Variants in NEB observed in about 807,000 individuals in gnomAD.
NEB encodes nemaline myopathy type 2.
A neutral mutation model predicts 952.2 loss-of-function variants in NEB; 512 were observed. The ratio of observed to expected loss-of-function variants is 0.54; its 90% confidence interval spans 0.50 to 0.58. The LOEUF (loss-of-function observed/expected upper bound fraction) is 0.58, where lower values mean the gene tolerates loss of function less well. NEB is among the 20% of genes least tolerant of loss of function. The pLI, the probability that NEB is intolerant of heterozygous loss-of-function variation, is 0.00. For missense variants in NEB, 8,428 were observed against 9,231.1 expected, an observed-to-expected ratio of 0.91 and a Z score of 3.56; for synonymous variants, 2,900 against 3,149.8, an observed-to-expected ratio of 0.92 and a Z score of 2.66.
chr2:151,663,011 A>ACAAC (rs1201906372), intron 45 of NEB, among the ~76,000 whole-genome samples: 1 of 152,134 alleles, frequency 6.6e-6, no homozygotes. Context: ...CTCTCCAACC[A>ACAAC]TCAAATGGAC....
intron 105 of NEB, among the ~76,000 whole-genome samples, chr2:151,578,854 G>A (rs970606179): frequency 2.6e-5 from 4 of 151,960 alleles, no homozygotes; most frequent in Non-Finnish European, 5.9e-5. Context: ...GGCTGAGACG[G>A]GTGGATCACC....
intron 37 of NEB, chr2:151,671,470 A>G (rs911070087): frequency 2.9e-5 from 13 of 443,098 alleles, no homozygotes; most frequent in African/African-American, 2.5e-4. Flanking sequence ...TGCTAAAAAA[A>G]ATTTTGTCAC....
chr2:151,656,779 T>C (rs2099089640), intron 48 of NEB, among the ~76,000 whole-genome samples: 1 of 151,898 alleles, frequency 6.6e-6, no homozygotes, highest in African/African-American at 2.4e-5. Context: ...TGCATCACAC[T>C]GACTTATGCA....
Position 151,642,658 on chromosome 2 carries a change from T to C in NEB, c.8289A>G (p.Glu2763=). ...TGTCATAACCTTTCCTCTTGGCTTCTTCTAGGCCAAGCTTATACAATTTCT... is the reference window on the plus strand; with the variant it reads ...TGTCATAACCTTTCCTCTTGGCTTCCTCTAGGCCAAGCTTATACAATTTCT... ...YSEKLYKLGL[E]EAKRKGYDMR... Residue 2763 remains glutamate, a synonymous_variant, in exon 60 of 182, where the codon GAA becomes GAG. Coordinates refer to ENST00000397345, the MANE Select transcript of NEB (RefSeq NM_001164508.2). The C allele has an allele frequency of 6.2e-7, 1 of 1,613,952 alleles. No individual in the cohort carries two copies. The highest frequency in any genetic ancestry group is 8.5e-7 in the Non-Finnish European group (1 of 1,179,844).
intron 144 of NEB, 83 bp downstream of exon 144, chr2:151,531,709 A>G (rs770235087): frequency 1.0e-4 from 107 of 1,068,190 alleles, no homozygotes; most frequent in Non-Finnish European, 1.4e-4. Flanking sequence ...AGTCTCCCAG[A>G]CTTTGTGACA....
intron 181 of NEB, among the ~76,000 whole-genome samples, chr2:151,489,716 G>A (rs2054528506): frequency 6.6e-6 from 1 of 151,838 alleles, no homozygotes; most frequent in Non-Finnish European, 1.5e-5. Context: ...GATAGTAGGT[G>A]AGACCAATGA....
At chr2:151,640,136 G>C (rs951989507) in intron 61 of NEB, 76 bp from the exon 62 acceptor site, 2 of 1,528,880 alleles carry the variant, frequency 1.3e-6, no homozygotes, top group African/African-American at 1.4e-5. Flanking sequence ...AAGAGATCAA[G>C]TAAAAGCACT....
In NEB at chr2:151,728,080, A is replaced by G. The variant is rs2150934890; in HGVS notation, c.79-174T>C. ...CACTGTAGCCGTATGAAGGCACATT[A>G]TGTACACAAATCTGAATGCTGATTG... On this transcript the variant is annotated intron_variant, in intron 4 of 181. Transcript: ENST00000397345. 1.3e-5 allele frequency among the ~76,000 whole-genome samples: 2 copies of G among 152,354 alleles called. 1 individual carries two copies. The highest frequency in any genetic ancestry group is 4.1e-4 in the South Asian group (2 of 4,832).
Position 151,643,353 on chromosome 2 carries a change from T to C in NEB, c.7957A>G (p.Asn2653Asp). 1 of 1,598,614 alleles carries C rather than the reference T, an allele frequency of 6.3e-7. No individual in the cohort carries two copies. The highest frequency in any genetic ancestry group is 8.5e-7 in the Non-Finnish European group (1 of 1,169,944). ...CACTGAAGGTCTGACTTGTACAAATTCTGAAAGTGCAAGTGACAAATTTGT... is the reference window on the plus strand; with the variant it reads ...CACTGAAGGTCTGACTTGTACAAATCCTGAAAGTGCAAGTGACAAATTTGT... ...ARQAYDLQSDNLYKSDLQWLK... is the reference protein window; with the variant it reads ...ARQAYDLQSDDLYKSDLQWLK... Residue 2653 changes from asparagine to aspartate, a missense_variant and splice_region_variant, in exon 58 of 182, where the codon AAT (asparagine) becomes GAT (aspartate). Physicochemically the swap from Asn to Asp is conservative, Grantham distance 23. Transcript: ENST00000397345.
chr2:151,633,948 A>G lies in NEB; in HGVS notation c.9120T>C (p.Gly3040=), dbSNP rs2098712581. Reference sequence around the variant, plus strand: ...TATGGTGGCCAAGTTGCTTGCAGTAACCATCTTTATATTTGTACTAAAATG... The same window carrying G: ...TATGGTGGCCAAGTTGCTTGCAGTAGCCATCTTTATATTTGTACTAAAATG... ...DIISDYKYKD[G]YCKQLGHHIG... The change falls in exon 65 of 182, where the codon GGT becomes GGC. Residue 3040 remains glycine, a synonymous_variant. Coordinates refer to ENST00000397345, the MANE Select transcript of NEB (RefSeq NM_001164508.2). The G allele has an allele frequency of 6.2e-7, 1 of 1,612,984 alleles. No homozygotes were observed. Among genetic ancestry groups the G allele is most frequent in the Non-Finnish European group, 8.5e-7 (1 of 1,179,132 alleles).
At chr2:151,612,886 T>C (rs2098048374) in intron 77 of NEB, among the ~76,000 whole-genome samples, 1 of 152,242 alleles carries the variant, frequency 6.6e-6, no homozygotes, top group African/African-American at 2.4e-5. Context: ...TCTATGTACA[T>C]GCTTCCAAGT....
At chr2:151,635,635 G>C (rs562485929) in intron 64 of NEB, among the ~76,000 whole-genome samples, 4 of 151,516 alleles carry the variant, frequency 2.6e-5, no homozygotes, top group Admixed American at 6.6e-5. Context: ...GACCCCAGGG[G>C]GCAGAGGTTG....
intron 32 of NEB, 54 bp downstream of exon 32, chr2:151,679,667 A>ACCC: frequency 2.7e-5 from 13 of 486,338 alleles, no homozygotes; most frequent in East Asian, 5.0e-5. Context: ...TCAGACCCCA[A>ACCC]GCCCACCCAC....
rs2153447957 is a variant in NEB, at chr2:151,525,279, T to C, written c.22162-6A>G. 1.3e-6 allele frequency: 2 copies of C among 1,590,194 alleles called. No individual in the cohort carries two copies. The highest frequency in any genetic ancestry group is 1.7e-6 in the Non-Finnish European group (2 of 1,158,514). On this transcript the variant is annotated splice_region_variant and splice_polypyrimidine_tract_variant and intron_variant, in intron 150 of 181. Transcript: ENST00000397345. ...AACTTCTTTTTGTAATTTGTCTAAATAGAGCCAGAATTACTTTTATGAGTA... is the reference window on the plus strand; with the variant it reads ...AACTTCTTTTTGTAATTTGTCTAAACAGAGCCAGAATTACTTTTATGAGTA...
intron 17 of NEB, among the ~76,000 whole-genome samples, 193 bp downstream of exon 17, chr2:151,696,444 G>T (rs1309078343): frequency 6.6e-6 from 1 of 152,126 alleles, no homozygotes; most frequent in African/African-American, 2.4e-5. Flanking sequence ...TTCCTTCACA[G>T]AATTGTTTCA....
rs773674854 is a variant in NEB at position 151,617,432 on chromosome 2, T to A, written c.11113A>T (p.Thr3705Ser). 29 of 1,559,984 alleles carry A rather than the reference T, an allele frequency of 1.9e-5. No individual in the cohort carries two copies. Among genetic ancestry groups the A allele is most frequent in the South Asian group, 1.1e-4 (9 of 85,084 alleles). The change falls in exon 75 of 182, where the codon ACT (threonine) becomes TCT (serine). Residue 3705 changes from threonine (T) to serine (S), a missense_variant. Physicochemically the swap from Thr to Ser is moderately conservative, Grantham distance 58. Transcript: ENST00000397345. The stretch of plus-strand genomic sequence containing the variant: ...GGTGTATCAGGCATGACATGAATAG[T>A]TTTCTTGTCATTGTCCCAGGCTTCA... ...YTEAWDNDKK[T>S]IHVMPDTPEI...
intron 77 of NEB, among the ~76,000 whole-genome samples, chr2:151,613,502 G>T (rs908913903): frequency 6.6e-6 from 1 of 152,142 alleles, no homozygotes; most frequent in African/African-American, 2.4e-5. Flanking sequence ...TTTATCCATT[G>T]TAAGTATAAG....
intron 13 of NEB, among the ~76,000 whole-genome samples, chr2:151,702,059 T>C (rs1304685223): frequency 1.3e-5 from 2 of 148,760 alleles, no homozygotes; most frequent in Non-Finnish European, 3.0e-5. Context: ...GATTCTGGTA[T>C]GTTGTGTCTT....
At chr2:151,621,981 G>C (rs188212129) in intron 71 of NEB, among the ~76,000 whole-genome samples, 10 of 152,218 alleles carry the variant, frequency 6.6e-5, no homozygotes, top group Admixed American at 6.5e-4. Flanking sequence ...GAATTAAGTT[G>C]TCTGGTAGAG....
Sources: gnomAD v4.1 joint callset for allele counts (sites outside exome capture counted in the v4.1 genomes callset) on GRCh38, gnomAD v4.1.1 for gene constraint, MANE v1.5 for transcripts, NCBI Gene and HGNC (gene_info 2026-07-23, HGNC 2026-07-21) for gene names.